TPRG1: variants seen among roughly 807,000 people sequenced by gnomAD.
The protein encoded by TPRG1 is tumor protein p63-regulated gene 1 protein.
TPRG1 carries 29 observed loss-of-function variants against 29.3 expected under a neutral mutation model. The observed-to-expected ratio is 0.99, with a 90% CI of 0.74 to 1.35. The LOEUF (loss-of-function observed/expected upper bound fraction) is 1.35. TPRG1 is among the 40% of genes most tolerant of loss of function. The pLI, the probability that TPRG1 is intolerant of heterozygous loss-of-function variation, is 0.00. For missense variants in TPRG1, 327 were observed against 335.0 expected (o/e 0.98, Z 0.19); for synonymous variants, 130 against 116.8 (o/e 1.11, Z -0.73).
At chr3:189,113,857 A>G (rs1720853629) in intron 1 of TPRG1, among the ~76,000 whole-genome samples, 1 of 151,986 alleles carries the variant, frequency 6.6e-6, no homozygotes, top group African/African-American at 2.4e-5. Context: ...AGCATGGCAC[A>G]TGTATACATA....
chr3:189,121,011 A>C lies in TPRG1; in HGVS notation c.-743-6046A>C, dbSNP rs137878347. Among the ~76,000 whole-genome samples, 3 of 152,358 alleles carry C rather than the reference A, an allele frequency of 2.0e-5. No individual in the cohort carries two copies. The East Asian group carries it at 5.8e-4, about 29-fold the overall frequency. ...CTAAAGGTAAATTATTAGATGACGC[A>C]GTACTACATTGAGCAAAAATCTTCT... On this transcript the variant is annotated intron_variant, in intron 1 of 6. Transcript: ENST00000412373.
intron 3 of TPRG1, among the ~76,000 whole-genome samples, chr3:189,141,614 T>C (rs779121200): frequency 1.1e-4 from 17 of 152,188 alleles, no homozygotes; most frequent in Non-Finnish European, 2.2e-4. Flanking sequence ...AAGTGTTATA[T>C]TTAAAGACTG....
chr3:189,100,988 A>G (rs1341514915), intron 1 of TPRG1, among the ~76,000 whole-genome samples: 1 of 152,214 alleles, frequency 6.6e-6, no homozygotes, highest in Non-Finnish European at 1.5e-5. Context: ...ACTTTATTCC[A>G]AAGTTTCTTT....
At chr3:189,153,185 T>C (rs1449034579) in intron 5 of TPRG1, among the ~76,000 whole-genome samples, 2 of 152,166 alleles carry the variant, frequency 1.3e-5, no homozygotes, top group Non-Finnish European at 2.9e-5. Flanking sequence ...CCCTATGTAT[T>C]GAGCACTGTT....
chr3:189,130,715 T>A (rs77603293), intron 2 of TPRG1, among the ~76,000 whole-genome samples: 5,028 of 152,248 alleles, frequency 0.033, 281 homozygotes, highest in African/African-American at 0.11. Flanking sequence ...ACTCATAATG[T>A]GATGTGAAGA....
chr3:189,146,493 A>G (rs1001056015), intron 3 of TPRG1, among the ~76,000 whole-genome samples: 1 of 152,210 alleles, frequency 6.6e-6, no homozygotes, highest in African/African-American at 2.4e-5. Flanking sequence ...AGACTTTTCC[A>G]GGAAGGCAAG....
At chr3:189,078,477 G>A (rs930058354) in intron 4 of TPRG1, among the ~76,000 whole-genome samples, 1 of 152,044 alleles carries the variant, frequency 6.6e-6, no homozygotes, top group African/African-American at 2.4e-5. Flanking sequence ...TAGTTAAAAT[G>A]TCCTGAAGAT....
intron 4 of TPRG1, among the ~76,000 whole-genome samples, chr3:189,264,643 T>TC (rs770277288): frequency 1.3e-3 from 193 of 152,298 alleles, no homozygotes; most frequent in Non-Finnish European, 1.8e-3. Context: ...GAGTTTTTTT[T>TC]CCAATGAAGT....
intron 3 of TPRG1, among the ~76,000 whole-genome samples, chr3:189,012,811 G>A (rs947269786): frequency 1.7e-4 from 26 of 151,990 alleles, no homozygotes; most frequent in African/African-American, 5.8e-4. Context: ...TCTGATAGTT[G>A]TTTTTATTTC....
At chr3:189,045,769 A>G (rs1714937441) in intron 4 of TPRG1, among the ~76,000 whole-genome samples, 1 of 152,210 alleles carries the variant, frequency 6.6e-6, no homozygotes, top group African/African-American at 2.4e-5. Flanking sequence ...CTATATTTAG[A>G]TCACAGCAAC....
At chr3:189,206,955 C>G (rs1462748244) in intron 1 of TPRG1, among the ~76,000 whole-genome samples, 1 of 152,146 alleles carries the variant, frequency 6.6e-6, no homozygotes, top group Non-Finnish European at 1.5e-5. Context: ...CTCTTATGCT[C>G]TATTATGACT....
At chr3:189,159,978 C>G (rs1727256147) in intron 5 of TPRG1, among the ~76,000 whole-genome samples, 1 of 151,730 alleles carries the variant, frequency 6.6e-6, no homozygotes, top group Admixed American at 6.6e-5. Context: ...GATTGTCACT[C>G]TATGATTAAT....
chr3:189,119,962 C>T (rs73053483), intron 1 of TPRG1, among the ~76,000 whole-genome samples: 3,822 of 152,166 alleles, frequency 0.025, 157 homozygotes, highest in African/African-American at 0.088. Context: ...AAGGAGGTTT[C>T]GGGGATGGCA....
chr3:189,315,744 A>AC, intron 5 of TPRG1: 1 of 252,296 alleles, frequency 4.0e-6, no homozygotes, highest in Non-Finnish European at 8.0e-6. Context: ...TTGAGTACTT[A>AC]CCTGGCAGTG....
At chr3:189,199,082 C>A (rs185003135) in intron 1 of TPRG1, among the ~76,000 whole-genome samples, 6 of 152,268 alleles carry the variant, frequency 3.9e-5, no homozygotes, top group African/African-American at 1.4e-4. Context: ...GGGTGAGATG[C>A]CCAGCTCTCC....
At position 189,323,101 on chromosome 3, in the gene TPRG1, A is replaced by G. The variant is rs530036687; in HGVS notation, c.*2281A>G. On this transcript the variant is annotated 3_prime_UTR_variant, in exon 6 of 6. Transcript: ENST00000345063. ...TTCTTATAGTTATAAATTTTCAATG[A>G]TGGAATGGGTTGCTTCTTTAAACAG... 6.6e-6 allele frequency: 1 copy of G among 152,254 alleles called. No individual in the cohort carries two copies. The highest frequency in any genetic ancestry group is 2.1e-4 in the South Asian group (1 of 4,830). The allele number at this position is 152,254 out of a possible 1,614,324, so 9.4% of individuals were successfully genotyped here.
chr3:189,079,347 C>T (rs1446565274), intron 4 of TPRG1, among the ~76,000 whole-genome samples: 1 of 152,070 alleles, frequency 6.6e-6, no homozygotes, highest in Non-Finnish European at 1.5e-5. Flanking sequence ...GACAAATATC[C>T]AAACTATGTC....
chr3:189,225,716 A>C (rs142642333), intron 3 of TPRG1, among the ~76,000 whole-genome samples: 2 of 142,032 alleles, frequency 1.4e-5, no homozygotes, highest in Admixed American at 6.9e-5. Flanking sequence ...AATGTCCTGT[A>C]GGGAGGGTAG....
intron 1 of TPRG1, among the ~76,000 whole-genome samples, chr3:189,119,089 G>A (rs1378407647): frequency 1.3e-5 from 2 of 152,246 alleles, no homozygotes; most frequent in South Asian, 2.1e-4. Context: ...AAGCCACAGG[G>A]CAGAGCTGCC....
Sources: gnomAD v4.1 joint callset for allele counts (sites outside exome capture counted in the v4.1 genomes callset) on GRCh38, gnomAD v4.1.1 for gene constraint, MANE v1.5 for transcripts, NCBI Gene and HGNC (gene_info 2026-07-23, HGNC 2026-07-21) for gene names.